The following HS6ST3 variants were observed in gnomAD, a reference collection of about 807,000 sequenced individuals.
The protein encoded by HS6ST3 is heparan sulfate 6-O-sulfotransferase 3.
HS6ST3 carries 12 observed loss-of-function variants against 36.7 expected under a neutral mutation model. The observed-to-expected ratio is 0.33, with a 90% CI of 0.21 to 0.53. HS6ST3 has a LOEUF of 0.53. Ranked by LOEUF, HS6ST3 falls within the 20% of genes least tolerant of loss-of-function variation. The probability of loss-of-function intolerance (pLI) is 0.95; values close to 1 mark genes in which losing one functional copy is unlikely to be tolerated. For synonymous variants in HS6ST3, 240 were observed against 257.5 expected, an observed-to-expected ratio of 0.93 and a Z score of 0.65; for missense variants, 584 against 640.9, an observed-to-expected ratio of 0.91 and a Z score of 0.96.
intron 1 of HS6ST3, among the ~76,000 whole-genome samples, chr13:96,235,491 A>G (rs1285347962): frequency 6.6e-6 from 1 of 152,210 alleles, no homozygotes; most frequent in Non-Finnish European, 1.5e-5. Context: ...AATGGGTCAT[A>G]GGGGAGTAAG....
chr13:96,772,272 G>C (rs1237506188), intron 1 of HS6ST3, among the ~76,000 whole-genome samples: 1 of 152,192 alleles, frequency 6.6e-6, no homozygotes, highest in African/African-American at 2.4e-5. Flanking sequence ...GAGAGTCAAA[G>C]GGGCTTGCCT....
chr13:96,686,259 A>G lies in HS6ST3; in HGVS notation c.708-146231A>G, dbSNP rs72643893. On this transcript the variant is annotated intron_variant, in intron 1 of 1. Transcript: ENST00000376705. ...CTTTCAAGCCAAGAAAATAACTATC[A>G]CAAGTGAAAAGATATTTTTATTGAT... is the stretch of plus-strand genomic sequence containing the variant. 4.0e-3 allele frequency among the ~76,000 whole-genome samples: 609 copies of G among 152,154 alleles called. 6 individuals carry two copies. Among genetic ancestry groups the G allele is most frequent in the Admixed American group, 7.5e-3 (114 of 15,248 alleles).
At chr13:96,332,243 T>G (rs1266878681) in intron 1 of HS6ST3, among the ~76,000 whole-genome samples, 3 of 152,192 alleles carry the variant, frequency 2.0e-5, no homozygotes, top group African/African-American at 7.2e-5. Flanking sequence ...ATTCTCCAAA[T>G]TTCATATCAT....
At chr13:96,145,287 C>T (rs2054052108) in intron 1 of HS6ST3, among the ~76,000 whole-genome samples, 1 of 150,754 alleles carries the variant, frequency 6.6e-6, no homozygotes, top group African/African-American at 2.4e-5. Flanking sequence ...AAAAGTGTTC[C>T]TATTTCTCCA....
At chr13:96,580,466 C>T (rs977734517) in intron 1 of HS6ST3, among the ~76,000 whole-genome samples, 3 of 151,452 alleles carry the variant, frequency 2.0e-5, no homozygotes, top group Non-Finnish European at 4.4e-5. Flanking sequence ...TTTTTTATGC[C>T]TCATGATCCT....
chr13:96,519,824 TG>T (rs1042630998), intron 1 of HS6ST3, among the ~76,000 whole-genome samples: 77 of 152,330 alleles, frequency 5.1e-4, no homozygotes, highest in African/African-American at 1.7e-3. Context: ...CTGGTTCTGC[TG>T]GGGTTACCTC....
chr13:96,115,804 C>G (rs2053891266), intron 1 of HS6ST3, among the ~76,000 whole-genome samples: 1 of 152,176 alleles, frequency 6.6e-6, no homozygotes, highest in Non-Finnish European at 1.5e-5. Flanking sequence ...GGTTCTGGAT[C>G]CTTGAGGAAT....
chr13:96,357,214 C>T (rs922804977), intron 1 of HS6ST3, among the ~76,000 whole-genome samples: 2 of 152,220 alleles, frequency 1.3e-5, no homozygotes, highest in Non-Finnish European at 2.9e-5. Context: ...AAAACTGTTT[C>T]ACCTTTTTGT....
At chr13:96,112,580 T>TAAATATATATATATAC (rs1555386233) in intron 1 of HS6ST3, among the ~76,000 whole-genome samples, 1 of 33,760 alleles carries the variant, frequency 3.0e-5, no homozygotes, top group African/African-American at 1.1e-4. Flanking sequence ...AATAAATAAA[T>TAAATATATATATATAC]ATATATATAT....
intron 1 of HS6ST3, among the ~76,000 whole-genome samples, chr13:96,781,939 G>A (rs547180280): frequency 3.3e-4 from 50 of 152,292 alleles, no homozygotes; most frequent in African/African-American, 1.0e-3. Flanking sequence ...CTGAAACCCT[G>A]AAAGAGTAAT....
intron 1 of HS6ST3, among the ~76,000 whole-genome samples, chr13:96,135,519 C>T (rs185615985): frequency 6.6e-6 from 1 of 152,116 alleles, no homozygotes; most frequent in Non-Finnish European, 1.5e-5. Context: ...GGCGGTATCC[C>T]TAGGGCTGTC....
chr13:96,525,592 T>C (rs1566386990), intron 1 of HS6ST3, among the ~76,000 whole-genome samples: 1 of 152,174 alleles, frequency 6.6e-6, no homozygotes, highest in African/African-American at 2.4e-5. Flanking sequence ...CAAATTCAGG[T>C]CTTTAATTAT....
intron 1 of HS6ST3, among the ~76,000 whole-genome samples, chr13:96,148,318 T>C (rs1289393068): frequency 2.6e-5 from 4 of 152,222 alleles, no homozygotes; most frequent in Non-Finnish European, 4.4e-5. Flanking sequence ...TGGACAAAGC[T>C]ATATATTCAA....
In HS6ST3 at chr13:96,447,703, G is replaced by T. The variant is rs771824858; in HGVS notation, c.707+356134G>T. On this transcript the variant is annotated intron_variant, in intron 1 of 1. Transcript: ENST00000376705. ...GAGGGCCAGTTTTTTCTAGGGCTACGTGAATGACATGCCTGGTTAAACCAA... is the reference window on the plus strand; with the variant it reads ...GAGGGCCAGTTTTTTCTAGGGCTACTTGAATGACATGCCTGGTTAAACCAA... Among the ~76,000 whole-genome samples the T allele has an allele frequency of 1.5e-4, 23 of 152,108 alleles. 1 individual carries two copies. The highest frequency in any genetic ancestry group is 1.5e-3 in the Admixed American group (23 of 15,268).
At chr13:96,427,905 G>T (rs550709044) in intron 1 of HS6ST3, among the ~76,000 whole-genome samples, 1 of 152,236 alleles carries the variant, frequency 6.6e-6, no homozygotes, top group South Asian at 2.1e-4. Context: ...CTCACAATTT[G>T]GGATTATCTG....
chr13:96,172,239 C>G (rs1257832060), intron 1 of HS6ST3, among the ~76,000 whole-genome samples: 3 of 152,178 alleles, frequency 2.0e-5, no homozygotes, highest in Non-Finnish European at 4.4e-5. Context: ...TGGATACTTG[C>G]CTTTTATCAC....
chr13:96,630,724 GT>G (rs758123221), intron 1 of HS6ST3, among the ~76,000 whole-genome samples: 28 of 152,164 alleles, frequency 1.8e-4, no homozygotes, highest in Non-Finnish European at 3.8e-4. Context: ...CCTTTCTGGA[GT>G]TTGGTTTTCA....
chr13:96,159,857 G>A (rs2054127913), intron 1 of HS6ST3, among the ~76,000 whole-genome samples: 1 of 152,150 alleles, frequency 6.6e-6, no homozygotes, highest in African/African-American at 2.4e-5. Flanking sequence ...GAGGGGCAGT[G>A]TCCACAGTGG....
chr13:96,543,952 G>GATAT (rs10646361), intron 1 of HS6ST3, among the ~76,000 whole-genome samples: 11,574 of 145,722 alleles, frequency 0.079, 829 homozygotes, highest in African/African-American at 0.2. Context: ...ATGATGGGGA[G>GATAT]ATATATATAT....
Sources: gnomAD v4.1 joint callset for allele counts (sites outside exome capture counted in the v4.1 genomes callset) on GRCh38, gnomAD v4.1.1 for gene constraint, MANE v1.5 for transcripts, NCBI Gene and HGNC (gene_info 2026-07-23, HGNC 2026-07-21) for gene names.